FERMT2: variants seen among roughly 807,000 people sequenced by gnomAD.
The protein encoded by FERMT2 is fermitin family homolog 2.
Under a neutral mutation model 82.7 loss-of-function variants are expected in FERMT2, and 15 were observed. The observed-to-expected ratio is 0.18, with a 90% CI of 0.12 to 0.28. The LOEUF is 0.28. Among genes scored for constraint, FERMT2 ranks in the 10% least tolerant of loss-of-function variants. The probability of loss-of-function intolerance (pLI) is 1.00; values close to 1 mark genes in which losing one functional copy is unlikely to be tolerated. For synonymous variants in FERMT2, 274 were observed against 271.5 expected, an observed-to-expected ratio of 1.01 and a Z score of -0.09; for missense variants, 645 against 809.4, an observed-to-expected ratio of 0.80 and a Z score of 2.46.
chr14:52,950,591 G>A lies in FERMT2; in HGVS notation c.-9-14C>T, dbSNP rs1890584432. ...CATGGCTCCTTCCTGCGAGCGCGGA[G>A]GAAATGGCTCTCGTAAGCGTCACTC... On this transcript the variant is annotated splice_polypyrimidine_tract_variant and intron_variant, in intron 1 of 14. Coordinates refer to ENST00000341590, the MANE Select transcript of FERMT2 (RefSeq NM_006832.3). 5 of 1,609,738 alleles carry A rather than the reference G, an allele frequency of 3.1e-6. No individual in the cohort carries two copies. The highest frequency in any genetic ancestry group is 1.1e-5 in the South Asian group (1 of 90,494).
chr14:52,950,450 T>G lies in FERMT2; in HGVS notation c.119A>C (p.His40Pro), dbSNP rs754229262. The change falls in exon 2 of 15, where the codon CAC becomes CCC. Residue 40 changes from histidine to proline, a missense_variant. Physicochemically the swap from His to Pro is moderately conservative, Grantham distance 77 (BLOSUM62 -2). Coordinates refer to ENST00000341590, the MANE Select transcript of FERMT2 (RefSeq NM_006832.3). The part of the protein sequence containing the change: ...DVTLRVTGEV[H>P]IGGVMLKLVE... Reference sequence around the variant, plus strand: ...CAGCTTAAGCATCACGCCTCCAATGTGCACCTCGCCGGTCACTCTCAGGGT... The same window carrying G: ...CAGCTTAAGCATCACGCCTCCAATGGGCACCTCGCCGGTCACTCTCAGGGT... The G allele has an allele frequency of 6.2e-7, 1 of 1,614,066 alleles. No homozygotes were observed. The highest frequency in any genetic ancestry group is 1.1e-5 in the South Asian group (1 of 91,064).
chr14:52,935,070 T>TAG (rs1336621694), intron 2 of FERMT2, among the ~76,000 whole-genome samples: 2 of 152,240 alleles, frequency 1.3e-5, no homozygotes, highest in African/African-American at 2.4e-5. Context: ...AGTTAAAAGA[T>TAG]AAAGTATGGT....
At chr14:52,870,075 G>A (rs1885521728) in intron 10 of FERMT2, among the ~76,000 whole-genome samples, 1 of 152,186 alleles carries the variant, frequency 6.6e-6, no homozygotes, top group Non-Finnish European at 1.5e-5. Flanking sequence ...GATGTTAAAA[G>A]TAGTTATAAA....
In FERMT2 at chr14:52,861,073, A is replaced by G. The variant is rs764887588; in HGVS notation, c.1603-608T>C. 747 of 1,488,314 alleles carry G rather than the reference A, an allele frequency of 5.0e-4. 1 individual carries two copies. The highest frequency in any genetic ancestry group is 6.3e-4 in the Non-Finnish European group (702 of 1,122,642). The allele number at this position is 1,488,314 out of a possible 1,614,324, so 92.2% of individuals were successfully genotyped here. A position where few individuals can be genotyped will look rare whatever the true frequency, so the allele number is the denominator to read the frequency against. On this transcript the variant is annotated intron_variant, in intron 12 of 14. Coordinates refer to ENST00000341590, the MANE Select transcript of FERMT2 (RefSeq NM_006832.3). ...TGCGAGGAAAGAAAAAGGAAGCAGA[A>G]AGAAAAAAAAAGGCAATCAGAAAAA... is the stretch of plus-strand genomic sequence containing the variant.
intron 2 of FERMT2, among the ~76,000 whole-genome samples, chr14:52,935,055 T>A (rs1889774367): frequency 1.3e-5 from 2 of 152,212 alleles, no homozygotes; most frequent in South Asian, 4.1e-4. Flanking sequence ...TTAGTTAATG[T>A]ATAAAGTTAA....
At chr14:52,859,919 G>A (rs112718535) in intron 13 of FERMT2, 19 of 322,778 alleles carry the variant, frequency 5.9e-5, no homozygotes, top group Admixed American at 9.8e-5. Flanking sequence ...CTGGGTTCAC[G>A]CCATTCTCCT....
Position 52,926,274 on chromosome 14 carries a change from A to C in FERMT2, c.158-6918T>G, listed in dbSNP as rs1889266060. On this transcript the variant is annotated intron_variant, in intron 2 of 14. Transcript: ENST00000341590. The stretch of plus-strand genomic sequence containing the variant: ...TGTTGATATTCCCTGAATTTGCATA[A>C]ACTAAAGCTTTGGAAAACTTTCCAT... Among the ~76,000 whole-genome samples the C allele has an allele frequency of 2.0e-5, 3 of 152,222 alleles. No individual in the cohort carries two copies. The South Asian group carries it at 6.2e-4, about 32-fold the overall frequency.
chr14:52,948,317 C>T (rs758161654), intron 2 of FERMT2, among the ~76,000 whole-genome samples: 1 of 152,194 alleles, frequency 6.6e-6, no homozygotes, highest in Non-Finnish European at 1.5e-5. Flanking sequence ...ATTTGACTAG[C>T]CTGATTTGTG....
At chr14:52,914,743 A>C (rs768984065) in intron 3 of FERMT2, among the ~76,000 whole-genome samples, 5 of 151,862 alleles carry the variant, frequency 3.3e-5, no homozygotes, top group Admixed American at 1.3e-4. Context: ...CACATGGCAA[A>C]ACCCCGTCTC....
intron 10 of FERMT2, among the ~76,000 whole-genome samples, chr14:52,867,645 G>A (rs554064110): frequency 2.6e-5 from 4 of 152,196 alleles, no homozygotes; most frequent in South Asian, 2.1e-4. Flanking sequence ...TCTGTAGCAT[G>A]TGCATCTCTC....
Position 52,867,889 on chromosome 14 carries a change from C to A in FERMT2, c.1274-3036G>T, listed in dbSNP as rs532876939. ...TAAGTCACCCAGACTATTGACCAAACTTCCTCAGTATCTATTCAATCTGCC... is the reference window on the plus strand; with the variant it reads ...TAAGTCACCCAGACTATTGACCAAAATTCCTCAGTATCTATTCAATCTGCC... On this transcript the variant is annotated intron_variant, in intron 10 of 14. Coordinates refer to ENST00000341590, the MANE Select transcript of FERMT2 (RefSeq NM_006832.3). Among the ~76,000 whole-genome samples, 21 of 152,286 alleles carry A rather than the reference C, an allele frequency of 1.4e-4. 1 individual carries two copies. The South Asian group carries it at 4.4e-3, about 32-fold the overall frequency.
intron 3 of FERMT2, among the ~76,000 whole-genome samples, chr14:52,901,508 G>A (rs1887648319): frequency 6.6e-6 from 1 of 152,066 alleles, no homozygotes; most frequent in Non-Finnish European, 1.5e-5. Context: ...ATCTGGGTGA[G>A]CCCAACGTAA....
intron 8 of FERMT2, 68 bp downstream of exon 8, chr14:52,875,155 C>A: frequency 1.4e-6 from 2 of 1,380,248 alleles, no homozygotes; most frequent in South Asian, 1.4e-5. Flanking sequence ...TACTTTGAAC[C>A]TAAATCCACA....
rs144924859 is a variant in FERMT2, at chr14:52,872,881, G to A, written c.1191C>T (p.Cys397=). ...AAGAAATGGATGTGTCTTTGAAGGT[G>A]CACCAATATTGTTTGTAACCTTTCA... The part of the protein sequence containing the change: ...LTLKGYKQYW[C]TFKDTSISCY... Residue 397 remains cysteine, a synonymous_variant, in exon 10 of 15, where the codon TGC becomes TGT. Coordinates refer to ENST00000341590, the MANE Select transcript of FERMT2 (RefSeq NM_006832.3). 2 of 1,613,652 alleles carry A rather than the reference G, an allele frequency of 1.2e-6. No homozygotes were observed. Among genetic ancestry groups the A allele is most frequent in the Admixed American group, 1.7e-5 (1 of 60,004 alleles).
At chr14:52,921,326 T>A (rs113357081) in intron 2 of FERMT2, among the ~76,000 whole-genome samples, 1,946 of 152,346 alleles carry the variant, frequency 0.013, 24 homozygotes, top group Non-Finnish European at 0.022. Context: ...CTACTTGTGA[T>A]CGTATTACCA....
intron 9 of FERMT2, 61 bp downstream of exon 9, chr14:52,874,116 G>GTTTCAATAA: frequency 9.2e-7 from 1 of 1,085,138 alleles, no homozygotes; most frequent in Non-Finnish European, 1.3e-6. Context: ...TTTCAATAAT[G>GTTTCAATAA]TGACCATGAC....
At chr14:52,896,727 C>T (rs769193587) in intron 3 of FERMT2, among the ~76,000 whole-genome samples, 3 of 152,134 alleles carry the variant, frequency 2.0e-5, no homozygotes, top group Non-Finnish European at 2.9e-5. Context: ...CAGTGGTTCA[C>T]GCCTGTAATC....
intron 3 of FERMT2, among the ~76,000 whole-genome samples, chr14:52,902,495 A>G (rs559998385): frequency 6.6e-6 from 1 of 152,264 alleles, no homozygotes; most frequent in East Asian, 1.9e-4. Flanking sequence ...ATTCTGTTGA[A>G]GTATAACTTA....
chr14:52,902,875 A>AAAAAAAAAAAAAAAAC (rs1887743379), intron 3 of FERMT2, among the ~76,000 whole-genome samples: 2 of 133,376 alleles, frequency 1.5e-5, no homozygotes, highest in Non-Finnish European at 3.2e-5. Context: ...TCTCAAAAAA[A>AAAAAAAAAAAAAAAAC]AAAAAAAAAA....
Sources: gnomAD v4.1 joint callset for allele counts (sites outside exome capture counted in the v4.1 genomes callset) on GRCh38, gnomAD v4.1.1 for gene constraint, MANE v1.5 for transcripts, NCBI Gene and HGNC (gene_info 2026-07-23, HGNC 2026-07-21) for gene names.